Variants in ANGPT2 observed in about 807,000 individuals in gnomAD.
ANGPT2 encodes the protein angiopoietin 2.
In ANGPT2, 28 loss-of-function variants were observed where a neutral mutation model predicts 62.9. The observed-to-expected ratio is 0.44, with a 90% CI of 0.33 to 0.61. The LOEUF is 0.61. Ranked by LOEUF, ANGPT2 falls within the 20% of genes least tolerant of loss-of-function variation. The pLI, the probability that ANGPT2 is intolerant of heterozygous loss-of-function variation, is 0.03. For synonymous variants in ANGPT2, 284 were observed against 207.8 expected (o/e 1.37, Z -3.15); for missense variants, 727 against 594.9 (o/e 1.22, Z -2.31).
chr8:6,521,299 G>T lies in ANGPT2; in HGVS notation c.678C>A (p.Ile226=), dbSNP rs1299096980. The T allele has an allele frequency of 1.9e-6, 3 of 1,613,750 alleles. No individual in the cohort carries two copies. Among genetic ancestry groups the T allele is most frequent in the South Asian group, 2.2e-5 (2 of 91,064 alleles). ...CTATTTTTTTTTCTAGTTCTTCAAT[G>T]ATGGAATTTTGCTTGGATACTAACA... ...LQVLVSKQNS[I]IEELEKKIVT... The change falls in exon 4 of 9, where the codon ATC becomes ATA. Residue 226 remains isoleucine, a synonymous_variant. Transcript: ENST00000629816.
chr8:6,538,337 C>T (rs73507128), intron 1 of ANGPT2, among the ~76,000 whole-genome samples: 4 of 152,206 alleles, frequency 2.6e-5, no homozygotes, highest in Admixed American at 1.3e-4. Context: ...GTCCACTGTC[C>T]TCTCTGTCTC....
chr8:6,500,863 A>C lies in ANGPT2; in HGVS notation c.*2238T>G, dbSNP rs1021987975. ...AATGACATAATGAGATTTGTCCTTG[A>C]ATTTTTTATCACCTGCCTACAAAGA... On this transcript the variant is annotated 3_prime_UTR_variant, in exon 9 of 9. Transcript: ENST00000629816. 1.3e-5 allele frequency: 2 copies of C among 152,194 alleles called. No individual in the cohort carries two copies. Among genetic ancestry groups the C allele is most frequent in the African/African-American group, 4.8e-5 (2 of 41,456 alleles). The allele number at this position is 152,194 out of a possible 1,614,324, so 9.4% of individuals were successfully genotyped here.
At chr8:6,548,607 T>G (rs757403700) in intron 1 of ANGPT2, among the ~76,000 whole-genome samples, 1 of 152,160 alleles carries the variant, frequency 6.6e-6, no homozygotes, top group African/African-American at 2.4e-5. Context: ...GTACACCTGA[T>G]GGATTTTTGT....
At chr8:6,516,929 T>C (rs1816378502) in intron 5 of ANGPT2, among the ~76,000 whole-genome samples, 3 of 152,340 alleles carry the variant, frequency 2.0e-5, no homozygotes, top group South Asian at 4.1e-4. Context: ...ATTTGAGCCA[T>C]ATGAGTATTC....
rs749652456 is a variant in ANGPT2 at position 6,509,078 on chromosome 8, G to C, written c.1197-16C>G. 6.2e-7 allele frequency: 1 copy of C among 1,603,728 alleles called. No homozygotes were observed. The highest frequency in any genetic ancestry group is 1.7e-5 in the Admixed American group (1 of 57,190). ...AAGGTGAATCCTGTAAGCGTGCAAA[G>C]AAAAAAAACACATTGGCTAGGGTCA... On this transcript the variant is annotated splice_polypyrimidine_tract_variant and intron_variant, in intron 7 of 8. Transcript: ENST00000629816.
At chr8:6,544,488 C>T (rs1001928112) in intron 1 of ANGPT2, among the ~76,000 whole-genome samples, 24 of 152,150 alleles carry the variant, frequency 1.6e-4, no homozygotes, top group African/African-American at 5.1e-4. Flanking sequence ...TATGTTACGT[C>T]AAACTGTTTT....
At chr8:6,544,103 A>C (rs1259222155) in intron 1 of ANGPT2, among the ~76,000 whole-genome samples, 1 of 152,252 alleles carries the variant, frequency 6.6e-6, no homozygotes, top group South Asian at 2.1e-4. Flanking sequence ...GAATAGTATA[A>C]CTTTTTGTTT....
rs758025831 is a variant in ANGPT2, at chr8:6,519,903, G to C, written c.888C>G (p.Ile296Met). Residue 296 changes from isoleucine to methionine, a missense_variant, in exon 5 of 9, where the codon ATC becomes ATG. Transcript: ENST00000629816. ...VFKSGHTTNG[I>M]YTLTFPNSTE... The stretch of plus-strand genomic sequence containing the variant: ...TAGAATTAGGGAATGTTAACGTGTA[G>C]ATGCCATTCGTGGTGTGTCCTGATT... The C allele has an allele frequency of 6.2e-6, 10 of 1,613,988 alleles. No homozygotes were observed. The Admixed American group carries it at 1.7e-4, about 27-fold the overall frequency.
At chr8:6,531,665 A>G (rs1483863934) in intron 2 of ANGPT2, among the ~76,000 whole-genome samples, 5 of 152,174 alleles carry the variant, frequency 3.3e-5, no homozygotes, top group African/African-American at 7.2e-5. Flanking sequence ...TGGAAAGAGA[A>G]CTTAGCAATC....
intron 3 of ANGPT2, among the ~76,000 whole-genome samples, chr8:6,522,773 C>CAAAAA (rs199503821): frequency 8.0e-4 from 104 of 130,406 alleles, no homozygotes; most frequent in African/African-American, 2.6e-3. Flanking sequence ...GACATCGTCT[C>CAAAAA]AAAAAAAAAA....
intron 1 of ANGPT2, among the ~76,000 whole-genome samples, chr8:6,550,454 C>T (rs1485479809): frequency 1.3e-5 from 2 of 152,224 alleles, no homozygotes; most frequent in African/African-American, 4.8e-5. Flanking sequence ...ACTCAGCATC[C>T]AGCGCGTCCT....
intron 7 of ANGPT2, 42 bp downstream of exon 7, chr8:6,513,636 A>T (rs1223699710): frequency 1.9e-6 from 3 of 1,574,416 alleles, no homozygotes; most frequent in African/African-American, 2.7e-5. Context: ...CCCGGCCACA[A>T]ATCTTTTAAT....
intron 7 of ANGPT2, among the ~76,000 whole-genome samples, chr8:6,511,462 T>C (rs1204249701): frequency 1.3e-5 from 2 of 152,218 alleles, no homozygotes; most frequent in Admixed American, 1.3e-4. Flanking sequence ...TTAGTTTCAC[T>C]AGAAAGAATG....
At chr8:6,544,019 GA>G (rs1822088839) in intron 1 of ANGPT2, among the ~76,000 whole-genome samples, 1 of 152,184 alleles carries the variant, frequency 6.6e-6, no homozygotes, top group South Asian at 2.1e-4. Flanking sequence ...ATCAGCAGTA[GA>G]ATGTTTTCAG....
intron 5 of ANGPT2, 46 bp from the exon 6 acceptor site, chr8:6,514,824 C>T (rs1240643624): frequency 1.3e-6 from 2 of 1,527,598 alleles, no homozygotes; most frequent in East Asian, 2.3e-5. Context: ...CCCCCCACTC[C>T]CCCCTTACGT....
At chr8:6,562,506 G>A (rs1204701272) in intron 1 of ANGPT2, 141 bp downstream of exon 1, 4 of 669,220 alleles carry the variant, frequency 6.0e-6, no homozygotes, top group Admixed American at 3.6e-5. Context: ...TTCATTTGAG[G>A]GTACCAGCAA....
At chr8:6,529,144 C>A (rs1818956752) in intron 2 of ANGPT2, among the ~76,000 whole-genome samples, 1 of 152,200 alleles carries the variant, frequency 6.6e-6, no homozygotes, top group Non-Finnish European at 1.5e-5. Flanking sequence ...ATTTTCACAT[C>A]ACTTTTCTGG....
At position 6,503,211 on chromosome 8, in the gene ANGPT2, G is replaced by T. The variant is rs1209421506; in HGVS notation, c.1378C>A (p.Pro460Thr). The change falls in exon 9 of 9, where the codon CCA (proline) becomes ACA (threonine). Residue 460 changes from proline (P) to threonine (T), a missense_variant. Physicochemically the swap from Pro to Thr is conservative, Grantham distance 38 (BLOSUM62 -1). Coordinates refer to ENST00000629816, the MANE Select transcript of ANGPT2 (RefSeq NM_001118887.2). The part of the protein sequence containing the change: ...GPSNLNGMYY[P>T]QRQNTNKFNG... The stretch of plus-strand genomic sequence containing the variant: ...AACTTATTTGTGTTCTGCCTCTGTG[G>T]ATAGTACATTCCGTTCAAGTTGGAA... 1.2e-6 allele frequency: 2 copies of T among 1,614,018 alleles called. No individual in the cohort carries two copies. The highest frequency in any genetic ancestry group is 1.7e-6 in the Non-Finnish European group (2 of 1,180,024).
intron 1 of ANGPT2, among the ~76,000 whole-genome samples, chr8:6,557,995 C>A (rs563380674): frequency 6.6e-6 from 1 of 152,290 alleles, no homozygotes; most frequent in African/African-American, 2.4e-5. Context: ...GACTGACTCC[C>A]TCACAGGTGG....
Sources: allele counts gnomAD v4.1 joint callset (sites outside exome capture counted in the v4.1 genomes callset), GRCh38; gene constraint gnomAD v4.1.1; transcripts MANE v1.5; gene names NCBI Gene and HGNC (gene_info 2026-07-23, HGNC 2026-07-21).